ARHGAP6: variants seen among roughly 807,000 people sequenced by gnomAD.
The protein encoded by ARHGAP6 is Rho GTPase activating protein 6, also known as rho GTPase-activating protein 6.
Under a neutral mutation model 55.7 loss-of-function variants are expected in ARHGAP6, and 16 were observed. The observed-to-expected ratio is 0.29, with a 90% confidence interval of 0.19 to 0.44. The LOEUF (loss-of-function observed/expected upper bound fraction) is 0.44, where lower values mean the gene tolerates loss of function less well. ARHGAP6 is among the 20% of genes least tolerant of loss of function. ARHGAP6 has a pLI of 1.00. For synonymous variants in ARHGAP6, 382 were observed against 360.9 expected (o/e 1.06, Z -0.66); for missense variants, 698 against 808.9 (o/e 0.86, Z 1.66).
chrX:11,517,276 T>C (rs954826454), intron 1 of ARHGAP6, among the ~76,000 whole-genome samples: 16 of 111,717 alleles, frequency 1.4e-4, no homozygotes, highest in African/African-American at 4.9e-4. Flanking sequence ...ACTGGCACAC[T>C]GTCACTACTG....
chrX:11,497,181 T>A lies in ARHGAP6; in HGVS notation c.588+167060A>T, dbSNP rs748625167. Among the ~76,000 whole-genome samples the A allele has an allele frequency of 9.8e-5, 11 of 112,172 alleles. No homozygotes were observed. The East Asian group carries it at 2.5e-3, about 26-fold the overall frequency. The stretch of plus-strand genomic sequence containing the variant: ...TACGAAGCCTGTATTTTAAGTAAGA[T>A]CATCAGAAACATAAATTTCTAATGC... On this transcript the variant is annotated intron_variant, in intron 1 of 12. Transcript: ENST00000337414.
intron 1 of ARHGAP6, among the ~76,000 whole-genome samples, chrX:11,419,412 C>G (rs1013998218): frequency 9.8e-5 from 11 of 112,001 alleles, no homozygotes; most frequent in African/African-American, 3.3e-4. Context: ...AAAGTTAAGA[C>G]CGTGTTTTGC....
At chrX:11,362,032 T>C (rs1287716025) in intron 1 of ARHGAP6, among the ~76,000 whole-genome samples, 4 of 111,484 alleles carry the variant, frequency 3.6e-5, no homozygotes, top group African/African-American at 1.3e-4. Flanking sequence ...TGTGGAGAAA[T>C]AGGAACACTT....
intron 1 of ARHGAP6, among the ~76,000 whole-genome samples, chrX:11,490,998 T>C (rs1411863157): frequency 8.9e-6 from 1 of 112,109 alleles, no homozygotes; most frequent in Non-Finnish European, 1.9e-5. Flanking sequence ...GAGGTTGGAA[T>C]TGAAATGGGC....
intron 1 of ARHGAP6, among the ~76,000 whole-genome samples, chrX:11,637,093 C>G (rs2052427282): frequency 9.0e-6 from 1 of 111,488 alleles, no homozygotes; most frequent in Admixed American, 9.5e-5. Flanking sequence ...TATTTATAAA[C>G]TTATAGGCTG....
intron 1 of ARHGAP6, among the ~76,000 whole-genome samples, chrX:11,619,349 A>G (rs1569061646): frequency 8.9e-6 from 1 of 112,177 alleles, no homozygotes; most frequent in Non-Finnish European, 1.9e-5. Context: ...ATGTTGGACC[A>G]GTTGTGTGTC....
intron 1 of ARHGAP6, among the ~76,000 whole-genome samples, chrX:11,268,690 C>T (rs1313987280): frequency 1.8e-5 from 2 of 109,651 alleles, no homozygotes; most frequent in African/African-American, 6.7e-5. Flanking sequence ...ATCCAGGCAA[C>T]CTGCATAGCC....
intron 1 of ARHGAP6, among the ~76,000 whole-genome samples, chrX:11,629,038 C>T (rs1022134650): frequency 9.1e-6 from 1 of 110,070 alleles, no homozygotes; most frequent in Non-Finnish European, 1.9e-5. Context: ...AGCTAGAGCT[C>T]GAGTCTTACA....
At chrX:11,400,392 T>G (rs1360987147) in intron 1 of ARHGAP6, among the ~76,000 whole-genome samples, 5 of 109,827 alleles carry the variant, frequency 4.6e-5, no homozygotes, top group African/African-American at 6.7e-5. Context: ...GGGAAGGCAT[T>G]TCATAGAAGA....
At chrX:11,619,306 T>A (rs1212526746) in intron 1 of ARHGAP6, among the ~76,000 whole-genome samples, 1 of 112,407 alleles carries the variant, frequency 8.9e-6, no homozygotes, top group Admixed American at 9.4e-5. Context: ...TCCTTAGGAC[T>A]CTCAAATCTT....
intron 2 of ARHGAP6, among the ~76,000 whole-genome samples, chrX:11,236,977 T>C (rs987267449): frequency 4.4e-5 from 5 of 112,367 alleles, no homozygotes; most frequent in African/African-American, 1.6e-4. Flanking sequence ...ACAGCGGACA[T>C]CCATTTGTGC....
At chrX:11,559,481 A>G (rs1201572343) in intron 1 of ARHGAP6, among the ~76,000 whole-genome samples, 2 of 111,503 alleles carry the variant, frequency 1.8e-5, no homozygotes, top group Non-Finnish European at 3.8e-5. Context: ...TGTTACCCTT[A>G]TAATCACTGA....
intron 1 of ARHGAP6, among the ~76,000 whole-genome samples, chrX:11,256,929 G>A (rs1308662349): frequency 9.0e-6 from 1 of 111,724 alleles, no homozygotes; most frequent in African/African-American, 3.3e-5. Flanking sequence ...TCTAGTCAAA[G>A]TGAGGAGGCT....
At chrX:11,580,025 A>G (rs954416396) in intron 1 of ARHGAP6, among the ~76,000 whole-genome samples, 2 of 110,868 alleles carry the variant, frequency 1.8e-5, no homozygotes, top group African/African-American at 6.6e-5. Context: ...AAATTATACC[A>G]CCAGCCACTG....
At chrX:11,500,294 C>T (rs773871072) in intron 1 of ARHGAP6, among the ~76,000 whole-genome samples, 1 of 108,768 alleles carries the variant, frequency 9.2e-6, no homozygotes, top group African/African-American at 3.4e-5. Context: ...AGCTGTACTC[C>T]ACTGAGAATA....
chrX:11,542,432 G>A (rs757204983), intron 1 of ARHGAP6, among the ~76,000 whole-genome samples: 4 of 110,490 alleles, frequency 3.6e-5, no homozygotes, highest in Non-Finnish European at 7.6e-5. Context: ...CCGAGATCGC[G>A]CCACTGCACT....
In ARHGAP6 at chrX:11,257,869, G is replaced by C. The variant is rs975356429; in HGVS notation, c.589-3162C>G. ...ATAGAGAAGGTAGTGTTTCAATGGA[G>C]GCTTGAAAGTTGAGTAAGAGGGGGC... is the stretch of plus-strand genomic sequence containing the variant. On this transcript the variant is annotated intron_variant, in intron 1 of 12. Coordinates refer to ENST00000337414, the MANE Select transcript of ARHGAP6 (RefSeq NM_013427.3). 3.6e-5 allele frequency among the ~76,000 whole-genome samples: 4 copies of C among 111,944 alleles called. No homozygotes were observed. In the East Asian group the frequency reaches 8.4e-4, roughly 23 times the overall value.
chrX:11,274,804 C>CAA (rs2147520904), intron 1 of ARHGAP6, among the ~76,000 whole-genome samples: 1 of 110,752 alleles, frequency 9.0e-6, no homozygotes, highest in Non-Finnish European at 1.9e-5. Flanking sequence ...CGGACAGGAC[C>CAA]CAGTGTGTGT....
At chrX:11,192,772 C>T (rs1258323886) in intron 3 of ARHGAP6, among the ~76,000 whole-genome samples, 1 of 111,587 alleles carries the variant, frequency 9.0e-6, no homozygotes, top group Non-Finnish European at 1.9e-5. Context: ...CTGAAAATGT[C>T]CTGGCAGGGG....
Sources: gnomAD v4.1 joint callset for allele counts (sites outside exome capture counted in the v4.1 genomes callset) on GRCh38, gnomAD v4.1.1 for gene constraint, MANE v1.5 for transcripts, NCBI Gene and HGNC (gene_info 2026-07-23, HGNC 2026-07-21) for gene names.